The following ROBO2 variants were observed in gnomAD, a reference collection of about 807,000 sequenced individuals.
The protein encoded by ROBO2 is roundabout guidance receptor 2.
ROBO2 carries 53 observed loss-of-function variants against 160.8 expected under a neutral mutation model. That is an observed-to-expected ratio of 0.33 (90% CI 0.26 to 0.41). ROBO2 has a LOEUF of 0.41. Ranked by LOEUF, ROBO2 falls within the 10% of genes least tolerant of loss-of-function variation. The probability of loss-of-function intolerance (pLI) is 1.00; values close to 1 mark genes in which losing one functional copy is unlikely to be tolerated. For synonymous variants in ROBO2, 664 were observed against 611.7 expected (o/e 1.09, Z -1.26); for missense variants, 1,577 against 1,722.4 (o/e 0.92, Z 1.49).
At chr3:76,613,540 A>G (rs1459542505) in intron 2 of ROBO2, among the ~76,000 whole-genome samples, 1 of 151,950 alleles carries the variant, frequency 6.6e-6, no homozygotes, top group East Asian at 1.9e-4. Context: ...TATTCATTTA[A>G]TTGTAAATAC....
At position 76,887,635 on chromosome 3, in the gene ROBO2, T is replaced by C. The variant is rs113598586; in HGVS notation, c.110-210379T>C. ...AAAAATGTCCTGCTAAACATAGTTC[T>C]CTCAAAAATATTTTTCTGAGATTCT... On this transcript the variant is annotated intron_variant, in intron 2 of 26. Coordinates refer to the ROBO2 transcript ENST00000487694. 1.9e-3 allele frequency among the ~76,000 whole-genome samples: 295 copies of C among 152,266 alleles called. 1 individual carries two copies. Among genetic ancestry groups the C allele is most frequent in the African/African-American group, 6.9e-3 (285 of 41,556 alleles).
chr3:77,549,687 A>G (rs2092840321), intron 7 of ROBO2, among the ~76,000 whole-genome samples: 1 of 152,028 alleles, frequency 6.6e-6, no homozygotes, highest in Non-Finnish European at 1.5e-5. Context: ...TTGCAGGATT[A>G]AAGTCATTGA....
intron 2 of ROBO2, among the ~76,000 whole-genome samples, chr3:76,436,033 A>G (rs1404911954): frequency 2.0e-5 from 3 of 151,936 alleles, no homozygotes; most frequent in African/African-American, 4.8e-5. Context: ...GAGATAGGAG[A>G]GTCTCTGGTG....
intron 6 of ROBO2, among the ~76,000 whole-genome samples, chr3:77,539,378 G>A (rs778236303): frequency 6.6e-6 from 1 of 152,056 alleles, no homozygotes; most frequent in Non-Finnish European, 1.5e-5. Context: ...TATCAGAATC[G>A]GTTAGATTTG....
intron 2 of ROBO2, among the ~76,000 whole-genome samples, chr3:76,714,183 T>C (rs1028410637): frequency 6.6e-6 from 1 of 152,152 alleles, no homozygotes; most frequent in African/African-American, 2.4e-5. Flanking sequence ...ATTTTGCCCA[T>C]GTGCAGCGTA....
chr3:77,028,591 G>A (rs1178645691), intron 2 of ROBO2, among the ~76,000 whole-genome samples: 1 of 152,116 alleles, frequency 6.6e-6, no homozygotes, highest in African/African-American at 2.4e-5. Context: ...ATGGTGGTGT[G>A]TGCCTGTAAT....
intron 2 of ROBO2, among the ~76,000 whole-genome samples, chr3:76,067,260 T>C (rs965850573): frequency 2.6e-5 from 4 of 152,190 alleles, no homozygotes; most frequent in Non-Finnish European, 5.9e-5. Flanking sequence ...ACAGCTCACA[T>C]CTGTTGTATG....
chr3:76,091,305 A>G (rs2069222444), intron 2 of ROBO2, among the ~76,000 whole-genome samples: 1 of 152,210 alleles, frequency 6.6e-6, no homozygotes, highest in African/African-American at 2.4e-5. Flanking sequence ...GAAGATATAA[A>G]GACGGAACAT....
At chr3:77,473,090 G>A (rs910566475) in intron 2 of ROBO2, among the ~76,000 whole-genome samples, 2 of 152,050 alleles carry the variant, frequency 1.3e-5, no homozygotes, top group South Asian at 2.1e-4. Flanking sequence ...GACGAGATGC[G>A]GTTGGTTTTA....
intron 2 of ROBO2, among the ~76,000 whole-genome samples, chr3:77,145,893 G>A (rs563854222): frequency 1.3e-5 from 2 of 152,264 alleles, no homozygotes; most frequent in South Asian, 4.1e-4. Flanking sequence ...ATTGGCTGTG[G>A]TCTGAGACGC....
intron 2 of ROBO2, among the ~76,000 whole-genome samples, chr3:76,055,241 G>C (rs1196880962): frequency 6.6e-6 from 1 of 152,178 alleles, no homozygotes; most frequent in Non-Finnish European, 1.5e-5. Context: ...CCCACAACCT[G>C]TGGGGATTAT....
intron 2 of ROBO2, among the ~76,000 whole-genome samples, chr3:76,764,780 G>A (rs1218189259): frequency 6.6e-6 from 1 of 151,602 alleles, no homozygotes; most frequent in East Asian, 2.0e-4. Flanking sequence ...CTCCTATGCA[G>A]TAAAGTTCTT....
At chr3:76,164,055 A>T (rs1231180175) in intron 2 of ROBO2, among the ~76,000 whole-genome samples, 2 of 152,194 alleles carry the variant, frequency 1.3e-5, no homozygotes, top group African/African-American at 2.4e-5. Context: ...CTGCTTTGCC[A>T]ACTAAGTTTA....
chr3:77,132,280 CAG>C (rs2075917623), intron 2 of ROBO2, among the ~76,000 whole-genome samples: 1 of 152,016 alleles, frequency 6.6e-6, no homozygotes, highest in Non-Finnish European at 1.5e-5. Flanking sequence ...AGCCAAGAGA[CAG>C]AGTACTTGGA....
intron 2 of ROBO2, among the ~76,000 whole-genome samples, chr3:76,890,042 T>C (rs1373668254): frequency 6.6e-6 from 1 of 152,150 alleles, no homozygotes. Flanking sequence ...CTAAGGACTT[T>C]CCTTTCACTC....
chr3:76,145,416 A>T (rs2071846551), intron 2 of ROBO2, among the ~76,000 whole-genome samples: 1 of 152,054 alleles, frequency 6.6e-6, no homozygotes, highest in African/African-American at 2.4e-5. Flanking sequence ...TATTTTCCAG[A>T]TATGCAAAAG....
At chr3:76,036,516 T>G (rs922990413) in intron 2 of ROBO2, among the ~76,000 whole-genome samples, 2 of 151,756 alleles carry the variant, frequency 1.3e-5, no homozygotes, top group Admixed American at 6.6e-5. Flanking sequence ...CTTTTTTCTT[T>G]TTTTTGAAAC....
intron 1 of ROBO2, among the ~76,000 whole-genome samples, chr3:77,067,875 G>A (rs2067026472): frequency 1.3e-5 from 2 of 152,070 alleles, no homozygotes; most frequent in Admixed American, 6.6e-5. Flanking sequence ...TGCTGAGGAT[G>A]TTTCAGAACT....
chr3:76,525,156 A>G (rs2081881983), intron 2 of ROBO2, among the ~76,000 whole-genome samples: 1 of 151,874 alleles, frequency 6.6e-6, no homozygotes, highest in Non-Finnish European at 1.5e-5. Flanking sequence ...GCTCTAGTAC[A>G]TAGAGCTTCT....
Sources: allele counts gnomAD v4.1 joint callset (sites outside exome capture counted in the v4.1 genomes callset), GRCh38; gene constraint gnomAD v4.1.1; transcripts MANE v1.5; gene names NCBI Gene and HGNC (gene_info 2026-07-23, HGNC 2026-07-21).